HMGCLL1: variants seen among roughly 807,000 people sequenced by gnomAD.
HMGCLL1 encodes the protein 3-hydroxymethyl-3-methylglutaryl-CoA lyase, cytoplasmic.
HMGCLL1 carries 36 observed loss-of-function variants against 39.1 expected under a neutral mutation model. The ratio of observed to expected loss-of-function variants is 0.92; its 90% confidence interval spans 0.71 to 1.22. The LOEUF (loss-of-function observed/expected upper bound fraction) is 1.22. HMGCLL1 is among the 50% of genes most tolerant of loss of function. The pLI is 0.00. For missense variants in HMGCLL1, 451 were observed against 416.5 expected (o/e 1.08, Z -0.72); for synonymous variants, 149 against 144.0 (o/e 1.03, Z -0.25).
At chr6:55,528,036 C>T (rs1768415440) in intron 3 of HMGCLL1, among the ~76,000 whole-genome samples, 1 of 151,946 alleles carries the variant, frequency 6.6e-6, no homozygotes, top group African/African-American at 2.4e-5. Context: ...TTTTCCTTTT[C>T]ACTAATATAG....
chr6:55,485,870 C>T (rs912234020), intron 7 of HMGCLL1, among the ~76,000 whole-genome samples: 1 of 151,408 alleles, frequency 6.6e-6, no homozygotes, highest in Non-Finnish European at 1.5e-5. Context: ...CTCTAAAAAC[C>T]CTTGACTTAC....
At chr6:55,537,186 A>T (rs1203274911) in intron 3 of HMGCLL1, among the ~76,000 whole-genome samples, 2 of 152,172 alleles carry the variant, frequency 1.3e-5, no homozygotes, top group African/African-American at 4.8e-5. Flanking sequence ...GAAATCTAAA[A>T]TCAAATTGGA....
chr6:55,609,099 C>A, the HMGCLL1 span, among the ~76,000 whole-genome samples: 1 of 152,194 alleles, frequency 6.6e-6, no homozygotes, highest in Non-Finnish European at 1.5e-5. Flanking sequence ...GCCACCGGGG[C>A]CTTGCGTCCC....
At chr6:55,574,110 T>C (rs575740541) in intron 1 of HMGCLL1, among the ~76,000 whole-genome samples, 29 of 151,916 alleles carry the variant, frequency 1.9e-4, no homozygotes, top group African/African-American at 6.8e-4. Context: ...ATAAACATCA[T>C]ATATGTGTGT....
the HMGCLL1 span, among the ~76,000 whole-genome samples, chr6:55,658,523 T>C: frequency 2.0e-5 from 3 of 151,868 alleles, no homozygotes; most frequent in Non-Finnish European, 4.4e-5. Flanking sequence ...GCAAACCCCA[T>C]GGACCGAGAT....
chr6:55,541,887 G>A (rs537632205), intron 2 of HMGCLL1, 51 bp from the exon 3 acceptor site: 5 of 1,125,072 alleles, frequency 4.4e-6, no homozygotes, highest in African/African-American at 1.6e-5. Context: ...TCCTATTTAA[G>A]CACAAACAGA....
chr6:55,658,553 T>C, the HMGCLL1 span, among the ~76,000 whole-genome samples: 1 of 151,880 alleles, frequency 6.6e-6, no homozygotes, highest in East Asian at 2.0e-4. Context: ...GTTACTGTAT[T>C]ATGTATATAT....
chr6:55,615,221 C>T, the HMGCLL1 span, among the ~76,000 whole-genome samples: 8 of 151,920 alleles, frequency 5.3e-5, no homozygotes, highest in Admixed American at 5.3e-4. Context: ...TCTACTTCCA[C>T]CACTCACTCC....
chr6:55,567,064 A>T (rs1771252655), intron 1 of HMGCLL1, among the ~76,000 whole-genome samples: 2 of 152,130 alleles, frequency 1.3e-5, no homozygotes, highest in South Asian at 4.1e-4. Context: ...TCCCTTAAAA[A>T]GACCTCAACA....
the HMGCLL1 span, among the ~76,000 whole-genome samples, chr6:55,644,607 T>C: frequency 6.6e-6 from 1 of 152,100 alleles, no homozygotes; most frequent in African/African-American, 2.4e-5. Flanking sequence ...GTTTTATTCT[T>C]CTGCTCATCG....
At chr6:55,478,813 C>A (rs750369762) in intron 7 of HMGCLL1, among the ~76,000 whole-genome samples, 8 of 151,144 alleles carry the variant, frequency 5.3e-5, no homozygotes, top group Non-Finnish European at 1.2e-4. Context: ...TTAGGCTGTT[C>A]TCACATAGTA....
chr6:55,626,563 A>C, the HMGCLL1 span, among the ~76,000 whole-genome samples: 3 of 152,098 alleles, frequency 2.0e-5, no homozygotes, highest in Non-Finnish European at 4.4e-5. Flanking sequence ...GGTTCTGTTT[A>C]TCCCATAGAC....
chr6:55,488,779 A>G (rs938135870), intron 7 of HMGCLL1, among the ~76,000 whole-genome samples: 5 of 152,062 alleles, frequency 3.3e-5, no homozygotes, highest in Admixed American at 2.0e-4. Flanking sequence ...TTCTAAACTG[A>G]GAAGTAATTT....
At chr6:55,487,786 T>C (rs965587070) in intron 7 of HMGCLL1, among the ~76,000 whole-genome samples, 2 of 152,092 alleles carry the variant, frequency 1.3e-5, no homozygotes, top group African/African-American at 4.8e-5. Flanking sequence ...AAATGATCCC[T>C]GATTAAAAAC....
chr6:55,539,351 AGG>A (rs1324328517), intron 3 of HMGCLL1, among the ~76,000 whole-genome samples: 8 of 152,198 alleles, frequency 5.3e-5, no homozygotes, highest in Non-Finnish European at 1.2e-4. Context: ...ATATAACCAA[AGG>A]AATATAAATA....
upstream of HMGCLL1, among the ~76,000 whole-genome samples, chr6:55,581,601 C>T (rs138386846): frequency 3.3e-5 from 5 of 152,040 alleles, no homozygotes; most frequent in African/African-American, 9.6e-5. Context: ...TCAATATGTA[C>T]CCCTGTTCTA....
intron 6 of HMGCLL1, among the ~76,000 whole-genome samples, 188 bp downstream of exon 6, chr6:55,499,048 A>G (rs1766731281): frequency 6.6e-6 from 1 of 152,172 alleles, no homozygotes; most frequent in African/African-American, 2.4e-5. Context: ...TTGAAAAGTT[A>G]TAGCCAATGT....
the HMGCLL1 span, among the ~76,000 whole-genome samples, chr6:55,599,482 T>C: frequency 1.2e-4 from 19 of 152,254 alleles, no homozygotes; most frequent in Middle Eastern, 6.8e-3. Context: ...TCCTTCCATA[T>C]TGGATATTTT....
intron 1 of HMGCLL1, among the ~76,000 whole-genome samples, chr6:55,564,213 A>G (rs1176120565): frequency 6.6e-6 from 1 of 151,852 alleles, no homozygotes; most frequent in African/African-American, 2.4e-5. Context: ...TTCATACATT[A>G]TCTTCTTTAT....
Sources: gnomAD v4.1 joint callset for allele counts (sites outside exome capture counted in the v4.1 genomes callset) on GRCh38, gnomAD v4.1.1 for gene constraint, MANE v1.5 for transcripts, NCBI Gene and HGNC (gene_info 2026-07-23, HGNC 2026-07-21) for gene names.